Variants in HAT1 observed in about 807,000 individuals in gnomAD.
The protein encoded by HAT1 is histone acetyltransferase 1.
HAT1 carries 20 observed loss-of-function variants against 56.6 expected under a neutral mutation model. The ratio of observed to expected loss-of-function variants is 0.35; its 90% CI spans 0.25 to 0.51. The LOEUF (loss-of-function observed/expected upper bound fraction) is 0.51. Ranked by LOEUF, HAT1 falls within the 20% of genes least tolerant of loss-of-function variation. HAT1 has a pLI of 0.95. For synonymous variants in HAT1, 146 were observed against 165.5 expected, an observed-to-expected ratio of 0.88 and a Z score of 0.91; for missense variants, 408 against 504.3, an observed-to-expected ratio of 0.81 and a Z score of 1.83.
intron 2 of HAT1, among the ~76,000 whole-genome samples, chr2:171,937,693 C>G (rs1293782378): frequency 6.6e-6 from 1 of 152,130 alleles, no homozygotes; most frequent in African/African-American, 2.4e-5. Context: ...AAAAGCAGAA[C>G]AGCACTAATT....
chr2:171,981,130 A>G (rs1463456407), intron 10 of HAT1, among the ~76,000 whole-genome samples: 1 of 151,968 alleles, frequency 6.6e-6, no homozygotes, highest in Non-Finnish European at 1.5e-5. Context: ...AGATTGCGCC[A>G]TTGTACTCCA....
rs1339370791 is a variant in HAT1, at chr2:171,938,074, CTT to C, written c.113-8632_113-8631del. Among the ~76,000 whole-genome samples, 1,286 of 135,876 alleles carry C rather than the reference CTT, an allele frequency of 9.5e-3. 14 individuals carry two copies. Among genetic ancestry groups the C allele is most frequent in the Middle Eastern group, 0.016 (4 of 258 alleles). 89.1% of individuals were successfully genotyped at this position (135,876 alleles called of 152,430 possible). On this transcript the variant is annotated intron_variant, in intron 2 of 10. Transcript: ENST00000264108. ...TCTCTCTCTCTCTCTCTCTCTCTCT[CTT>C]TAAATGAACTGTAAGAGTAGAAACA...
At chr2:171,942,097 G>T (rs1407155317) in intron 2 of HAT1, among the ~76,000 whole-genome samples, 1 of 152,088 alleles carries the variant, frequency 6.6e-6, no homozygotes, top group Non-Finnish European at 1.5e-5. Context: ...TAGAGACGGG[G>T]CTTCACCATG....
At chr2:171,939,381 A>G (rs1253204918) in intron 2 of HAT1, among the ~76,000 whole-genome samples, 2 of 150,086 alleles carry the variant, frequency 1.3e-5, no homozygotes, top group Non-Finnish European at 3.0e-5. Context: ...ACTTGAACAC[A>G]ATTGTTGTTC....
Position 171,970,930 on chromosome 2 carries a change from A to G in HAT1, c.823+3981A>G, listed in dbSNP as rs748037819. Among the ~76,000 whole-genome samples, 20 of 150,432 alleles carry G rather than the reference A, an allele frequency of 1.3e-4. 1 individual carries two copies. Among genetic ancestry groups the G allele is most frequent in the Non-Finnish European group, 2.5e-4 (17 of 67,630 alleles). On this transcript the variant is annotated intron_variant, in intron 8 of 10. Coordinates refer to ENST00000264108, the MANE Select transcript of HAT1 (RefSeq NM_003642.4). ...ACTTGAAAAAATGTGGCCGGGTGCC[A>G]TGGCTCACGCCTGTAATCCCAGCAC...
chr2:171,978,042 CT>C (rs1297966116), intron 9 of HAT1, among the ~76,000 whole-genome samples: 348 of 147,714 alleles, frequency 2.4e-3, no homozygotes, highest in Non-Finnish European at 3.0e-3. Context: ...TACCATTTGT[CT>C]TTTTTTTTCC....
intron 2 of HAT1, among the ~76,000 whole-genome samples, chr2:171,938,390 GT>G (rs1381508045): frequency 6.6e-6 from 1 of 152,116 alleles, no homozygotes; most frequent in Non-Finnish European, 1.5e-5. Flanking sequence ...GCGGGGAATG[GT>G]TTTGGGATGA....
intron 2 of HAT1, among the ~76,000 whole-genome samples, chr2:171,937,341 T>C (rs1215617434): frequency 6.6e-6 from 1 of 152,218 alleles, no homozygotes; most frequent in Admixed American, 6.5e-5. Flanking sequence ...AGGAAGTATA[T>C]GAACTTATTG....
At chr2:171,922,759 C>T (rs1217567684) in intron 1 of HAT1, 3 of 394,990 alleles carry the variant, frequency 7.6e-6, no homozygotes, top group Non-Finnish European at 1.3e-5. Context: ...GGGCCGAAGA[C>T]GCCAGGGAAA....
intron 2 of HAT1, among the ~76,000 whole-genome samples, chr2:171,937,717 A>C (rs568005279): frequency 1.3e-5 from 2 of 152,344 alleles, no homozygotes; most frequent in East Asian, 3.9e-4. Flanking sequence ...CAATAAAGTC[A>C]TCAGTAACTC....
chr2:171,943,726 C>CATGTAT (rs1687086741), intron 2 of HAT1, among the ~76,000 whole-genome samples: 1 of 142,996 alleles, frequency 7.0e-6, no homozygotes, highest in Non-Finnish European at 1.5e-5. Flanking sequence ...TATGGACATT[C>CATGTAT]ATATATATAT....
Position 171,965,329 on chromosome 2 carries a change from ATTC to A in HAT1, c.310-6_310-4del. 4 of 1,537,360 alleles carry A rather than the reference ATTC, an allele frequency of 2.6e-6. No homozygotes were observed. The highest frequency in any genetic ancestry group is 3.6e-6 in the Non-Finnish European group (4 of 1,119,686). Reference sequence around the variant, plus strand: ...TTGTTATTAATTTTTTATATCCTTTATTCTTTAGGCAGATGATGTTGAGGGCAA... The same window carrying A: ...TTGTTATTAATTTTTTATATCCTTTATTTAGGCAGATGATGTTGAGGGCAA... On this transcript the variant is annotated splice_polypyrimidine_tract_variant and splice_region_variant and intron_variant, in intron 4 of 10. Transcript: ENST00000264108.
chr2:171,983,275 C>A lies in HAT1; in HGVS notation c.1183C>A (p.His395Asn), dbSNP rs1235577255. The A allele has an allele frequency of 1.9e-6, 3 of 1,604,930 alleles. No individual in the cohort carries two copies. The Admixed American group carries it at 5.0e-5, about 27-fold the overall frequency. Residue 395 changes from histidine to asparagine, a missense_variant, in exon 11 of 11, where the codon CAT (histidine) becomes AAT (asparagine). By Grantham distance (68) the His-to-Asn change is moderately conservative. Transcript: ENST00000264108. ...QMNQIEISMQ[H>N]EQLEESFQEL... Reference sequence around the variant, plus strand: ...GAACCAAATAGAAATAAGCATGCAACATGAACAGCTGGAAGAGAGTTTTCA... The same window carrying A: ...GAACCAAATAGAAATAAGCATGCAAAATGAACAGCTGGAAGAGAGTTTTCA...
intron 4 of HAT1, among the ~76,000 whole-genome samples, chr2:171,953,994 A>G (rs1276534483): frequency 6.6e-6 from 1 of 152,098 alleles, no homozygotes; most frequent in East Asian, 1.9e-4. Context: ...AACTGTCTCA[A>G]AAAAAAATTA....
chr2:171,956,846 C>T (rs1025005802), intron 4 of HAT1, among the ~76,000 whole-genome samples: 1 of 152,104 alleles, frequency 6.6e-6, no homozygotes, highest in Non-Finnish European at 1.5e-5. Flanking sequence ...CTTAACCTAT[C>T]CAGATTGTAG....
chr2:171,972,174 A>G (rs1331772924), intron 8 of HAT1, among the ~76,000 whole-genome samples: 4 of 150,988 alleles, frequency 2.6e-5, no homozygotes, highest in Non-Finnish European at 5.9e-5. Flanking sequence ...AAACGGTTAC[A>G]TATGAAATGC....
chr2:171,934,520 A>G (rs1031080469), intron 2 of HAT1, among the ~76,000 whole-genome samples: 1 of 152,192 alleles, frequency 6.6e-6, no homozygotes, highest in African/African-American at 2.4e-5. Context: ...TAAGTGAGAT[A>G]GTAAGCAAGG....
chr2:171,943,885 A>G (rs1007205852), intron 2 of HAT1, among the ~76,000 whole-genome samples: 2 of 151,970 alleles, frequency 1.3e-5, no homozygotes, highest in East Asian at 3.9e-4. Context: ...ATGGTGGCTC[A>G]TGCCTGTAAT....
At chr2:171,938,390 G>A (rs574370568) in intron 2 of HAT1, among the ~76,000 whole-genome samples, 5 of 152,236 alleles carry the variant, frequency 3.3e-5, no homozygotes, top group Admixed American at 1.3e-4. Context: ...GCGGGGAATG[G>A]TTTTGGGATG....
Sources: allele counts gnomAD v4.1 joint callset (sites outside exome capture counted in the v4.1 genomes callset), GRCh38; gene constraint gnomAD v4.1.1; transcripts MANE v1.5; gene names NCBI Gene and HGNC (gene_info 2026-07-23, HGNC 2026-07-21).